The following ZBTB20 variants were observed in gnomAD, a reference collection of about 807,000 sequenced individuals.
ZBTB20 encodes zinc finger and BTB domain containing 20.
A neutral mutation model predicts 56.9 loss-of-function variants in ZBTB20; 9 were observed. That is an observed-to-expected ratio of 0.16 (90% CI 0.10 to 0.28). The LOEUF is 0.28. Ranked by LOEUF, ZBTB20 falls within the 10% of genes least tolerant of loss-of-function variation. ZBTB20 has a pLI of 1.00. For missense variants in ZBTB20, 655 were observed against 1,003.0 expected (o/e 0.65, Z 4.69); for synonymous variants, 417 against 420.7 (o/e 0.99, Z 0.11).
chr3:114,538,893 G>A (rs2048785726), intron 6 of ZBTB20, among the ~76,000 whole-genome samples: 2 of 152,156 alleles, frequency 1.3e-5, no homozygotes. Flanking sequence ...GTAGCTCCAT[G>A]ACTTGAGCAC....
At chr3:115,036,072 G>T (rs2080904945) in intron 2 of ZBTB20, among the ~76,000 whole-genome samples, 1 of 152,054 alleles carries the variant, frequency 6.6e-6, no homozygotes, top group Admixed American at 6.6e-5. Context: ...TTGCTGGTGG[G>T]AAGGAAAAAT....
intron 1 of ZBTB20, among the ~76,000 whole-genome samples, chr3:115,095,563 T>C (rs539168513): frequency 6.6e-6 from 1 of 152,076 alleles, no homozygotes; most frequent in East Asian, 1.9e-4. Context: ...ACAGCTAGAG[T>C]GGCAAAAACA....
chr3:114,856,772 G>C (rs2075274731), intron 4 of ZBTB20, among the ~76,000 whole-genome samples: 1 of 152,106 alleles, frequency 6.6e-6, no homozygotes, highest in African/African-American at 2.4e-5. Context: ...GCCAGGGCGA[G>C]CAATTAACTT....
intron 1 of ZBTB20, among the ~76,000 whole-genome samples, chr3:115,075,583 C>T (rs372194655): frequency 6.6e-6 from 1 of 151,982 alleles, no homozygotes; most frequent in Non-Finnish European, 1.5e-5. Flanking sequence ...TTTGAGATCC[C>T]GATTTCAATT....
At chr3:114,459,261 G>A (rs1000738057) in intron 7 of ZBTB20, among the ~76,000 whole-genome samples, 3 of 151,886 alleles carry the variant, frequency 2.0e-5, no homozygotes, top group Admixed American at 1.3e-4. Context: ...TTTTTGTAGC[G>A]CTCTGTAAAA....
chr3:114,492,733 G>A (rs2042882811), intron 7 of ZBTB20, among the ~76,000 whole-genome samples: 1 of 152,152 alleles, frequency 6.6e-6, no homozygotes, highest in Non-Finnish European at 1.5e-5. Context: ...TTAACGTGCA[G>A]TTGTAAGAGA....
At chr3:115,074,527 G>A (rs1320126704) in intron 1 of ZBTB20, among the ~76,000 whole-genome samples, 1 of 152,108 alleles carries the variant, frequency 6.6e-6, no homozygotes, top group Admixed American at 6.6e-5. Context: ...AAGTAAAATA[G>A]AAATATGTTG....
At chr3:114,537,676 C>T (rs2048638640) in intron 6 of ZBTB20, among the ~76,000 whole-genome samples, 2 of 152,096 alleles carry the variant, frequency 1.3e-5, no homozygotes, top group South Asian at 2.1e-4. Context: ...ACTATAAAGA[C>T]ACATGCACAT....
At chr3:114,739,497 T>C (rs2066423198) in intron 5 of ZBTB20, among the ~76,000 whole-genome samples, 1 of 152,204 alleles carries the variant, frequency 6.6e-6, no homozygotes, top group Non-Finnish European at 1.5e-5. Flanking sequence ...GGCTCTGCCT[T>C]TGTGGTCAAC....
At chr3:114,810,721 C>T (rs2072457702) in intron 4 of ZBTB20, among the ~76,000 whole-genome samples, 1 of 152,168 alleles carries the variant, frequency 6.6e-6, no homozygotes, top group South Asian at 2.1e-4. Flanking sequence ...TATGCCATTT[C>T]TTCAGCGAAT....
At chr3:114,797,207 T>G (rs2071391254) in intron 5 of ZBTB20, among the ~76,000 whole-genome samples, 1 of 151,730 alleles carries the variant, frequency 6.6e-6, no homozygotes, top group Non-Finnish European at 1.5e-5. Flanking sequence ...CTTAAAAATA[T>G]GTGATGTGCT....
chr3:114,343,776 C>T (rs1041373244), intron 11 of ZBTB20, among the ~76,000 whole-genome samples: 2 of 151,400 alleles, frequency 1.3e-5, no homozygotes, highest in East Asian at 2.0e-4. Context: ...GGCTGGGCAC[C>T]GTGGCTCACG....
intron 6 of ZBTB20, among the ~76,000 whole-genome samples, chr3:114,630,474 T>C (rs1386179390): frequency 6.6e-6 from 1 of 152,202 alleles, no homozygotes; most frequent in Non-Finnish European, 1.5e-5. Flanking sequence ...CATGTGTGTG[T>C]ACGTGTGTGT....
chr3:114,818,246 A>G (rs1210678718), intron 4 of ZBTB20, among the ~76,000 whole-genome samples: 1 of 152,154 alleles, frequency 6.6e-6, no homozygotes, highest in African/African-American at 2.4e-5. Context: ...ATTGTGAATC[A>G]CCATTTTACA....
chr3:114,403,353 T>C lies in ZBTB20; in HGVS notation c.-254-14248A>G, dbSNP rs945317741. ...TTTTGAACCTAGTAAGAAATCAGTC[T>C]GTAGTAATGGGCCATATTGGTAATA... is the stretch of plus-strand genomic sequence containing the variant. On this transcript the variant is annotated intron_variant, in intron 7 of 11. Coordinates refer to ENST00000675478, the MANE Select transcript of ZBTB20 (RefSeq NM_001348800.3). 8.5e-5 allele frequency among the ~76,000 whole-genome samples: 13 copies of C among 152,248 alleles called. No homozygotes were observed. In the East Asian group the frequency reaches 2.5e-3, roughly 29 times the overall value.
At chr3:114,490,325 G>T (rs1035488100) in intron 7 of ZBTB20, among the ~76,000 whole-genome samples, 41 of 151,956 alleles carry the variant, frequency 2.7e-4, no homozygotes, top group African/African-American at 9.7e-4. Flanking sequence ...GGGTTCAAGA[G>T]ATTCTCCTGC....
chr3:115,081,442 G>A (rs1389463214), intron 1 of ZBTB20, among the ~76,000 whole-genome samples: 2 of 152,060 alleles, frequency 1.3e-5, no homozygotes, highest in Non-Finnish European at 1.5e-5. Flanking sequence ...GTACGATGCT[G>A]CTTACTTTTT....
chr3:114,702,470 AT>A (rs146643467), intron 5 of ZBTB20, among the ~76,000 whole-genome samples: 6,711 of 151,860 alleles, frequency 0.044, 218 homozygotes, highest in Middle Eastern at 0.12. Context: ...ACACAGATGA[AT>A]TTTTTTGTCT....
At chr3:114,853,678 T>A (rs899623151) in intron 4 of ZBTB20, among the ~76,000 whole-genome samples, 1 of 152,228 alleles carries the variant, frequency 6.6e-6, no homozygotes, top group Non-Finnish European at 1.5e-5. Flanking sequence ...ATATTTGCAT[T>A]TAAATAGGAG....
Sources: gnomAD v4.1 joint callset for allele counts (sites outside exome capture counted in the v4.1 genomes callset) on GRCh38, gnomAD v4.1.1 for gene constraint, MANE v1.5 for transcripts, NCBI Gene and HGNC (gene_info 2026-07-23, HGNC 2026-07-21) for gene names.